Variants in BCKDHB observed in about 807,000 individuals in gnomAD.
BCKDHB encodes 2-oxoisovalerate dehydrogenase subunit beta, mitochondrial.
BCKDHB carries 41 observed loss-of-function variants against 48.5 expected under a neutral mutation model. The observed-to-expected ratio is 0.85, with a 90% CI of 0.66 to 1.10. The LOEUF (loss-of-function observed/expected upper bound fraction) is 1.10, where lower values mean the gene tolerates loss of function less well. BCKDHB is among the 50% of genes least tolerant of loss of function. The probability of loss-of-function intolerance (pLI) is 0.00; values close to 1 mark genes in which losing one functional copy is unlikely to be tolerated. For missense variants in BCKDHB, 496 were observed against 494.2 expected (o/e 1.00, Z -0.03); for synonymous variants, 201 against 174.8 (o/e 1.15, Z -1.18).
At chr6:80,181,832 T>A (rs746958590) in intron 6 of BCKDHB, among the ~76,000 whole-genome samples, 24 of 152,140 alleles carry the variant, frequency 1.6e-4, no homozygotes, top group Non-Finnish European at 3.1e-4. Context: ...TGCCTACTCA[T>A]ATTGCAGAAG....
chr6:80,128,408 T>C (rs955253695), intron 2 of BCKDHB, among the ~76,000 whole-genome samples: 45 of 152,262 alleles, frequency 3.0e-4, no homozygotes, highest in African/African-American at 1.1e-3. Flanking sequence ...GAGTTTTTTC[T>C]TGGGGTCGAT....
chr6:80,266,725 G>A (rs1777531080), intron 8 of BCKDHB, among the ~76,000 whole-genome samples: 1 of 152,010 alleles, frequency 6.6e-6, no homozygotes, highest in Non-Finnish European at 1.5e-5. Context: ...TTAGGTTATA[G>A]GACTTCTCTT....
At chr6:80,351,206 T>C (rs1304529634), downstream of BCKDHB, among the ~76,000 whole-genome samples, 1 of 152,172 alleles carries the variant, frequency 6.6e-6, no homozygotes, top group African/African-American at 2.4e-5. Context: ...GGATCTCCAA[T>C]AGATAAGCTT....
intron 6 of BCKDHB, among the ~76,000 whole-genome samples, chr6:80,186,681 T>C (rs1773657952): frequency 6.6e-6 from 1 of 152,188 alleles, no homozygotes; most frequent in Non-Finnish European, 1.5e-5. Context: ...TTTCATCCTA[T>C]GGCCCCTCCC....
intron 8 of BCKDHB, among the ~76,000 whole-genome samples, chr6:80,270,005 CAGAAT>C (rs1777669226): frequency 1.3e-5 from 2 of 151,976 alleles, no homozygotes; most frequent in South Asian, 2.1e-4. Context: ...TTAAAATAGA[CAGAAT>C]AGAAAGAAAT....
At chr6:80,335,266 T>G (rs2128012870) in intron 9 of BCKDHB, among the ~76,000 whole-genome samples, 1 of 148,668 alleles carries the variant, frequency 6.7e-6, no homozygotes, top group Admixed American at 6.7e-5. Context: ...ATTGAATGCT[T>G]TGTATGATCA....
intron 6 of BCKDHB, among the ~76,000 whole-genome samples, chr6:80,188,566 G>GAGGT (rs1773755395): frequency 6.6e-6 from 1 of 152,102 alleles, no homozygotes; most frequent in Admixed American, 6.5e-5. Context: ...TCGAGCCTGG[G>GAGGT]AGGTGGAGGT....
intron 3 of BCKDHB, among the ~76,000 whole-genome samples, chr6:80,141,385 C>G (rs1482284704): frequency 6.6e-6 from 1 of 152,068 alleles, no homozygotes; most frequent in South Asian, 2.1e-4. Context: ...TGAAAAAAAT[C>G]TATTTTTGTG....
chr6:80,313,292 A>C (rs1768260244), intron 9 of BCKDHB, among the ~76,000 whole-genome samples: 2 of 152,028 alleles, frequency 1.3e-5, no homozygotes, highest in Admixed American at 6.6e-5. Context: ...TTAATATCCC[A>C]GTATTTCTGA....
At chr6:80,172,635 A>G (rs1189451949) in intron 6 of BCKDHB, among the ~76,000 whole-genome samples, 1 of 152,112 alleles carries the variant, frequency 6.6e-6, no homozygotes, top group African/African-American at 2.4e-5. Context: ...GGAAAAGAAC[A>G]CCCAAAAATC....
At chr6:80,337,773 A>C (rs915593551) in intron 9 of BCKDHB, among the ~76,000 whole-genome samples, 1 of 152,154 alleles carries the variant, frequency 6.6e-6, no homozygotes, top group Non-Finnish European at 1.5e-5. Context: ...CTTGGAAATT[A>C]AGTTGTGGAG....
chr6:80,200,592 C>G (rs1464024805), intron 6 of BCKDHB, among the ~76,000 whole-genome samples: 4 of 152,142 alleles, frequency 2.6e-5, no homozygotes, highest in Non-Finnish European at 4.4e-5. Context: ...TTATTAACAT[C>G]TTACATACAT....
chr6:80,244,601 C>T (rs1776530073), intron 8 of BCKDHB, among the ~76,000 whole-genome samples: 1 of 152,118 alleles, frequency 6.6e-6, no homozygotes, highest in Non-Finnish European at 1.5e-5. Flanking sequence ...GTGGCTTATA[C>T]TTTATGTATG....
chr6:80,389,432 G>T, the BCKDHB span, among the ~76,000 whole-genome samples: 763 of 152,250 alleles, frequency 5.0e-3, 4 homozygotes, highest in African/African-American at 0.017. Flanking sequence ...TGATTGTTTT[G>T]GACCTTGTCC....
At chr6:80,371,282 T>G in the BCKDHB span, among the ~76,000 whole-genome samples, 1 of 152,174 alleles carries the variant, frequency 6.6e-6, no homozygotes, top group African/African-American at 2.4e-5. Context: ...GTCATGTGTA[T>G]ATCTTTTTTT....
At chr6:80,466,218 T>G in the BCKDHB span, among the ~76,000 whole-genome samples, 1 of 152,192 alleles carries the variant, frequency 6.6e-6, no homozygotes, top group African/African-American at 2.4e-5. Flanking sequence ...TTAGGTATAT[T>G]ATATGTATAC....
intron 8 of BCKDHB, among the ~76,000 whole-genome samples, chr6:80,245,732 C>G (rs1776583300): frequency 6.6e-6 from 1 of 152,090 alleles, no homozygotes; most frequent in African/African-American, 2.4e-5. Context: ...CTTTTCTACT[C>G]TCTGTCAATT....
intron 8 of BCKDHB, among the ~76,000 whole-genome samples, chr6:80,261,583 C>T (rs968336220): frequency 5.9e-5 from 9 of 152,008 alleles, no homozygotes; most frequent in African/African-American, 1.7e-4. Context: ...GGGGAAGATA[C>T]CACGAGAATA....
intron 6 of BCKDHB, among the ~76,000 whole-genome samples, chr6:80,181,175 A>G (rs1037757991): frequency 2.0e-5 from 3 of 152,194 alleles, no homozygotes; most frequent in African/African-American, 7.2e-5. Flanking sequence ...TAGGTTTGCT[A>G]AATGTCAGCT....
Sources: gnomAD v4.1 joint callset for allele counts (sites outside exome capture counted in the v4.1 genomes callset) on GRCh38, gnomAD v4.1.1 for gene constraint, MANE v1.5 for transcripts, NCBI Gene and HGNC (gene_info 2026-07-23, HGNC 2026-07-21) for gene names.